RERE: variants seen among roughly 807,000 people sequenced by gnomAD.
RERE encodes arginine-glutamic acid dipeptide repeats protein.
Under a neutral mutation model 146.1 loss-of-function variants are expected in RERE, and 40 were observed. The ratio of observed to expected loss-of-function variants is 0.27; its 90% CI spans 0.21 to 0.36. The LOEUF is 0.36. Among genes scored for constraint, RERE ranks in the 10% least tolerant of loss-of-function variants. RERE has a pLI of 1.00. For synonymous variants in RERE, 1,003 were observed against 866.0 expected (o/e 1.16, Z -2.78); for missense variants, 1,933 against 2,138.7 (o/e 0.90, Z 1.90).
Position 8,638,783 on chromosome 1 carries a change from A to ATTTTTTTTTTT in RERE, c.326-14414_326-14404dup, listed in dbSNP as rs34276909. 4.7e-4 allele frequency among the ~76,000 whole-genome samples: 47 copies of ATTTTTTTTTTT among 100,328 alleles called. 1 individual carries two copies. Among genetic ancestry groups the ATTTTTTTTTTT allele is most frequent in the African/African-American group, 1.9e-3 (45 of 23,854 alleles). The allele number at this position is 100,328 out of a possible 152,430, so 65.8% of individuals were successfully genotyped here. A position where few individuals can be genotyped will look rare whatever the true frequency, so the allele number is the denominator to read the frequency against. ...GAAGGAAACTCATAGACGAAAAAAA[A>ATTTTTTTTTTT]TTTTTTTTTTTTTTTTTTTTTTTTT... is the stretch of plus-strand genomic sequence containing the variant. On this transcript the variant is annotated intron_variant, in intron 2 of 22. Coordinates refer to ENST00000400908, the MANE Select transcript of RERE (RefSeq NM_001042681.2).
intron 12 of RERE, among the ~76,000 whole-genome samples, chr1:8,381,545 G>A (rs190691973): frequency 6.6e-6 from 1 of 152,152 alleles, no homozygotes; most frequent in Admixed American, 6.5e-5. Context: ...ACACACATAG[G>A]TGGAAAATTA....
At chr1:8,777,496 A>G (rs1387607798) in intron 1 of RERE, among the ~76,000 whole-genome samples, 2 of 151,654 alleles carry the variant, frequency 1.3e-5, no homozygotes, top group Admixed American at 6.6e-5. Flanking sequence ...AGAAGACAGT[A>G]GTTTGAGACA....
chr1:8,358,070 G>A, intron 20 of RERE, 126 bp downstream of exon 20: 1 of 1,463,572 alleles, frequency 6.8e-7, no homozygotes, highest in Non-Finnish European at 9.1e-7. Flanking sequence ...GCTCTTCTAA[G>A]ATCTGCCAGG....
At chr1:8,657,730 C>T (rs561687661) in intron 1 of RERE, among the ~76,000 whole-genome samples, 1 of 152,212 alleles carries the variant, frequency 6.6e-6, no homozygotes, top group African/African-American at 2.4e-5. Flanking sequence ...GCCTATAGTC[C>T]CAGCTACTTG....
chr1:8,365,734 C>T, intron 13 of RERE, 78 bp downstream of exon 13: 1 of 1,532,684 alleles, frequency 6.5e-7, no homozygotes, highest in Non-Finnish European at 8.9e-7. Context: ...GCCATCAGCT[C>T]CTACGGGCCC....
At chr1:8,543,445 C>G (rs902780404) in intron 6 of RERE, among the ~76,000 whole-genome samples, 1 of 152,126 alleles carries the variant, frequency 6.6e-6, no homozygotes, top group African/African-American at 2.4e-5. Context: ...GTAAGTTATT[C>G]CTATTATTGT....
At chr1:8,589,868 T>C (rs147531558) in intron 4 of RERE, among the ~76,000 whole-genome samples, 1 of 152,320 alleles carries the variant, frequency 6.6e-6, no homozygotes, top group African/African-American at 2.4e-5. Flanking sequence ...ACGAATCGAA[T>C]TCCTCAAACC....
At chr1:8,368,452 C>T (rs895585841) in intron 12 of RERE, among the ~76,000 whole-genome samples, 8 of 141,856 alleles carry the variant, frequency 5.6e-5, no homozygotes, top group Admixed American at 1.5e-4. Flanking sequence ...CCAGCCTGGG[C>T]GACAGAGTGA....
chr1:8,433,852 G>A (rs902144249), intron 11 of RERE, among the ~76,000 whole-genome samples: 8 of 152,182 alleles, frequency 5.3e-5, no homozygotes, highest in African/African-American at 1.4e-4. Context: ...GAGCCACCGC[G>A]CCCGGCCCCA....
At chr1:8,765,489 T>A (rs1301888679) in intron 1 of RERE, among the ~76,000 whole-genome samples, 1 of 152,194 alleles carries the variant, frequency 6.6e-6, no homozygotes, top group African/African-American at 2.4e-5. Context: ...GTAAATTATA[T>A]GATATGTGAA....
At chr1:8,600,904 G>A (rs1286345121) in intron 4 of RERE, among the ~76,000 whole-genome samples, 13 of 151,228 alleles carry the variant, frequency 8.6e-5, no homozygotes, top group Admixed American at 5.9e-4. Context: ...ACAGGTGCCC[G>A]CCACCATGCC....
At chr1:8,414,551 G>A (rs531440650) in intron 12 of RERE, among the ~76,000 whole-genome samples, 52 of 152,008 alleles carry the variant, frequency 3.4e-4, no homozygotes, top group African/African-American at 1.1e-3. Context: ...GGGAGATTCC[G>A]TCTCTAAATA....
At position 8,817,616 on chromosome 1, in the gene RERE, C is replaced by G. The variant is rs1469781856; in HGVS notation, c.-601G>C. The G allele has an allele frequency of 2.0e-5, 3 of 151,220 alleles. No homozygotes were observed. The highest frequency in any genetic ancestry group is 4.4e-5 in the Non-Finnish European group (3 of 67,758). The allele number at this position is 151,220 out of a possible 1,614,324, so 9.4% of individuals were successfully genotyped here. The stretch of plus-strand genomic sequence containing the variant: ...GCGGGAGGCTGAGGAGGCTCCGGAG[C>G]GCGGAGGGTTGCTCGCGAGCGTCTG... On this transcript the variant is annotated 5_prime_UTR_variant, in exon 1 of 23. Coordinates refer to ENST00000400908, the MANE Select transcript of RERE (RefSeq NM_001042681.2).
intron 1 of RERE, among the ~76,000 whole-genome samples, chr1:8,746,324 TA>T (rs1640419805): frequency 6.6e-6 from 1 of 152,158 alleles, no homozygotes; most frequent in Non-Finnish European, 1.5e-5. Context: ...TATGGGGACC[TA>T]ATAACATGTA....
intron 11 of RERE, among the ~76,000 whole-genome samples, chr1:8,440,923 G>A (rs908998969): frequency 8.3e-5 from 12 of 144,850 alleles, no homozygotes; most frequent in Non-Finnish European, 1.6e-4. Flanking sequence ...AAGTATGCCA[G>A]AGTAATATAA....
chr1:8,586,777 A>T (rs1376657149), intron 4 of RERE, among the ~76,000 whole-genome samples: 1 of 124,200 alleles, frequency 8.1e-6, no homozygotes. Context: ...ATCCAAACCA[A>T]AAGAACTAAA....
At chr1:8,427,307 A>T (rs1255706421) in intron 11 of RERE, among the ~76,000 whole-genome samples, 1 of 152,038 alleles carries the variant, frequency 6.6e-6, no homozygotes, top group Non-Finnish European at 1.5e-5. Context: ...TGCTCATACC[A>T]CTTGGCCTAA....
At position 8,372,753 on chromosome 1, in the gene RERE, C is replaced by CA. The variant is rs1642089800; in HGVS notation, c.1285-6780dup. Among the ~76,000 whole-genome samples, 8 of 152,276 alleles carry CA rather than the reference C, an allele frequency of 5.3e-5. No homozygotes were observed. The South Asian group carries it at 1.7e-3, about 32-fold the overall frequency. ...TTTCCTGCCTCCTTGCCCATGCAGA[C>CA]AGAGGGGAGATACAGGCAGGCAGGC... On this transcript the variant is annotated intron_variant, in intron 12 of 22. Transcript: ENST00000400908.
At chr1:8,448,345 A>G (rs1302396719) in intron 11 of RERE, among the ~76,000 whole-genome samples, 4 of 152,190 alleles carry the variant, frequency 2.6e-5, no homozygotes, top group African/African-American at 9.7e-5. Context: ...CAGGTTTACC[A>G]ACACTTTTGT....
Sources: gnomAD v4.1 joint callset for allele counts (sites outside exome capture counted in the v4.1 genomes callset) on GRCh38, gnomAD v4.1.1 for gene constraint, MANE v1.5 for transcripts, NCBI Gene and HGNC (gene_info 2026-07-23, HGNC 2026-07-21) for gene names.